RIN3: variants seen among roughly 807,000 people sequenced by gnomAD.
RIN3 encodes RAB5 interacting protein 3.
A neutral mutation model predicts 76.3 loss-of-function variants in RIN3; 54 were observed. That is an observed-to-expected ratio of 0.71 (90% CI 0.57 to 0.89). The LOEUF is 0.89. Among genes scored for constraint, RIN3 ranks in the 40% least tolerant of loss-of-function variants. RIN3 has a pLI of 0.00. For missense variants in RIN3, 1,256 were observed against 1,322.1 expected (o/e 0.95, Z 0.78); for synonymous variants, 576 against 564.0 (o/e 1.02, Z -0.30).
At position 92,685,317 on chromosome 14, in the gene RIN3, C is replaced by T. The variant is rs772855579; in HGVS notation, c.2631+167C>T. On this transcript the variant is annotated intron_variant, in intron 9 of 9. Transcript: ENST00000216487. This position sits in a 1 kb window ranked among gnomAD's most constrained non-coding sequence, Gnocchi z 4.7. Reference sequence around the variant, plus strand: ...CCAGAGGAAGGGCCCCCAGCCCCTGCTGCCAGTGTGTGTCCAGGACTTGGG... The same window carrying T: ...CCAGAGGAAGGGCCCCCAGCCCCTGTTGCCAGTGTGTGTCCAGGACTTGGG... The T allele has an allele frequency of 4.4e-6, 3 of 681,574 alleles. No individual in the cohort carries two copies. Among genetic ancestry groups the T allele is most frequent in the Non-Finnish European group, 7.3e-6 (3 of 411,600 alleles). The allele number at this position is 681,574 out of a possible 1,614,324, so 42.2% of individuals were successfully genotyped here. A position where few individuals can be genotyped will look rare whatever the true frequency, so the allele number is the denominator to read the frequency against.
intron 7 of RIN3, among the ~76,000 whole-genome samples, chr14:92,672,022 G>A (rs915809813): frequency 7.2e-5 from 11 of 152,206 alleles, no homozygotes; most frequent in East Asian, 1.9e-4. Context: ...AGACAAGGCC[G>A]CCCAGGCTAT....
At chr14:92,625,608 C>T (rs942810995) in intron 4 of RIN3, among the ~76,000 whole-genome samples, 5 of 152,156 alleles carry the variant, frequency 3.3e-5, no homozygotes, top group African/African-American at 1.2e-4. Context: ...AAGTGGCCTG[C>T]TCTTCCATAT....
chr14:92,579,070 G>A (rs548842950), intron 3 of RIN3, among the ~76,000 whole-genome samples: 14 of 152,214 alleles, frequency 9.2e-5, no homozygotes, highest in Non-Finnish European at 1.5e-4. Context: ...TGGGATTACA[G>A]GCATGTGCCA....
chr14:92,543,473 G>A (rs1371041543), intron 1 of RIN3, among the ~76,000 whole-genome samples: 2 of 152,074 alleles, frequency 1.3e-5, no homozygotes, highest in African/African-American at 4.8e-5. Flanking sequence ...AAGTGTTAGG[G>A]TTAGGCTCTC....
chr14:92,649,948 T>C (rs561991566), intron 5 of RIN3, among the ~76,000 whole-genome samples: 1 of 152,284 alleles, frequency 6.6e-6, no homozygotes, highest in African/African-American at 2.4e-5. Context: ...CTTCAGTCCC[T>C]TTGTCCTGGA....
At chr14:92,546,777 G>C (rs1897276628) in intron 1 of RIN3, among the ~76,000 whole-genome samples, 1 of 152,044 alleles carries the variant, frequency 6.6e-6, no homozygotes, top group African/African-American at 2.4e-5. Flanking sequence ...CAGTTGGGGT[G>C]AGTAGGGCCT....
rs1888811031 is a variant in RIN3, at chr14:92,685,220, A to T, written c.2631+70A>T. 1 of 1,474,130 alleles carries T rather than the reference A, an allele frequency of 6.8e-7. No individual in the cohort carries two copies. Among genetic ancestry groups the T allele is most frequent in the Non-Finnish European group, 9.1e-7 (1 of 1,097,430 alleles). The allele number at this position is 1,474,130 out of a possible 1,614,324, so 91.3% of individuals were successfully genotyped here. Reference sequence around the variant, plus strand: ...ACACCATCCCTGCTGCCTGCTGGCTAAGGAGCCGTGACATCACCTGGCTGC... The same window carrying T: ...ACACCATCCCTGCTGCCTGCTGGCTTAGGAGCCGTGACATCACCTGGCTGC... On this transcript the variant is annotated intron_variant, in intron 9 of 9. Coordinates refer to ENST00000216487, the MANE Select transcript of RIN3 (RefSeq NM_024832.5). This position sits in a 1 kb window ranked among gnomAD's most constrained non-coding sequence, Gnocchi z 4.7.
chr14:92,541,144 C>G (rs140440958), intron 1 of RIN3, among the ~76,000 whole-genome samples: 1 of 152,340 alleles, frequency 6.6e-6, no homozygotes, highest in Non-Finnish European at 1.5e-5. Flanking sequence ...CAGAACCAGA[C>G]AGTGTCATTT....
rs1888660187 is a variant in RIN3 at position 92,681,468 on chromosome 14, T to G, written c.2468-3519T>G. Among the ~76,000 whole-genome samples the G allele has an allele frequency of 6.6e-6, 1 of 152,236 alleles. No individual in the cohort carries two copies. Among genetic ancestry groups the G allele is most frequent in the African/African-American group, 2.4e-5 (1 of 41,466 alleles). On this transcript the variant is annotated intron_variant, in intron 8 of 9. Transcript: ENST00000216487. This position sits in a 1 kb window ranked among gnomAD's most constrained non-coding sequence, Gnocchi z 4.7. The stretch of plus-strand genomic sequence containing the variant: ...ATTCCGAAGCCCTGTACTTTACACA[T>G]ACTCATTTCCTTTTCACAACTTTAT...
At chr14:92,603,110 G>C (rs1384494821) in intron 3 of RIN3, among the ~76,000 whole-genome samples, 24 of 152,184 alleles carry the variant, frequency 1.6e-4, no homozygotes, top group Non-Finnish European at 1.5e-5. Flanking sequence ...GTGGAGACCA[G>C]GGCTAAGGAG....
At chr14:92,671,881 C>T (rs1888299657) in intron 7 of RIN3, among the ~76,000 whole-genome samples, 1 of 152,164 alleles carries the variant, frequency 6.6e-6, no homozygotes, top group Non-Finnish European at 1.5e-5. Flanking sequence ...GCCAGAAAGG[C>T]AGGTCACAAG....
At chr14:92,580,256 C>A (rs1053380069) in intron 3 of RIN3, among the ~76,000 whole-genome samples, 2 of 152,218 alleles carry the variant, frequency 1.3e-5, no homozygotes, top group African/African-American at 4.8e-5. Flanking sequence ...GTAGTTCCAG[C>A]TACTTGGGAG....
intron 7 of RIN3, among the ~76,000 whole-genome samples, chr14:92,673,925 G>C (rs1888373509): frequency 6.6e-6 from 1 of 152,212 alleles, no homozygotes; most frequent in Non-Finnish European, 1.5e-5. Context: ...TGTGACGGCT[G>C]ACAGTAGAAA....
rs751226648 is a variant in RIN3 at position 92,685,094 on chromosome 14, C to T, written c.2575C>T (p.Arg859Cys). 25 of 1,613,560 alleles carry T rather than the reference C, an allele frequency of 1.5e-5. No individual in the cohort carries two copies. In the Admixed American group the frequency reaches 3.2e-4, roughly 20 times the overall value. ...TGTGGAGGTGCAGGACTCCATCCAC[C>T]GCTGGGAGCGCCGGCGTACTCTCAA... is the stretch of plus-strand genomic sequence containing the variant. ...LSVEVQDSIH[R>C]WERRRTLNKA... The change falls in exon 9 of 10, where the codon CGC becomes TGC. Residue 859 changes from arginine (R) to cysteine (C), a missense_variant. Arg to Cys is a radical substitution (Grantham distance 180). Coordinates refer to ENST00000216487, the MANE Select transcript of RIN3 (RefSeq NM_024832.5). The surrounding 1 kb of genome is among the most constrained non-coding windows in gnomAD (Gnocchi z 4.7).
At chr14:92,667,249 A>C (rs775273102) in intron 7 of RIN3, among the ~76,000 whole-genome samples, 1 of 152,208 alleles carries the variant, frequency 6.6e-6, no homozygotes, top group Non-Finnish European at 1.5e-5. Context: ...ACGGTGGCTC[A>C]CGCCTGTAAT....
At chr14:92,525,991 G>A (rs903562026) in intron 1 of RIN3, among the ~76,000 whole-genome samples, 3 of 152,120 alleles carry the variant, frequency 2.0e-5, no homozygotes, top group African/African-American at 4.8e-5. Flanking sequence ...CCATGCCTGG[G>A]AGTTTCCCAG....
At chr14:92,620,696 TAAAC>T (rs1017792940) in intron 4 of RIN3, among the ~76,000 whole-genome samples, 2 of 151,912 alleles carry the variant, frequency 1.3e-5, no homozygotes, top group African/African-American at 4.8e-5. Context: ...CAAAAACAAA[TAAAC>T]AGGAAACCAA....
intron 5 of RIN3, among the ~76,000 whole-genome samples, chr14:92,645,949 C>G: frequency 2.4e-5 from 1 of 42,548 alleles, no homozygotes; most frequent in South Asian, 1.0e-3. Flanking sequence ...GAGACTCTCT[C>G]TCAAAAAAAA....
Position 92,651,964 on chromosome 14 carries a change from C to A in RIN3, c.915C>A (p.Pro305=). The change falls in exon 6 of 10, where the codon CCC becomes CCA. Residue 305 remains proline (P), a synonymous_variant. Transcript: ENST00000216487. ...CCCCTGTGCTCCCTGCTCTTGCCCCCGCCCCTGCCTGTCCTTTGCCCACCT... is the reference window on the plus strand; with the variant it reads ...CCCCTGTGCTCCCTGCTCTTGCCCCAGCCCCTGCCTGTCCTTTGCCCACCT... ...AQPPVLPALA[P]APACPLPTSP... The A allele has an allele frequency of 6.5e-7, 1 of 1,529,080 alleles. No individual in the cohort carries two copies. The highest frequency in any genetic ancestry group is 8.8e-7 in the Non-Finnish European group (1 of 1,131,400). 94.7% of individuals were successfully genotyped at this position (1,529,080 alleles called of 1,614,324 possible). A position where few individuals can be genotyped will look rare whatever the true frequency, so the allele number is the denominator to read the frequency against.
Sources: allele counts gnomAD v4.1 joint callset (sites outside exome capture counted in the v4.1 genomes callset), GRCh38; gene constraint gnomAD v4.1.1; non-coding constraint Gnocchi (gnomAD v3.1); transcripts MANE v1.5; gene names NCBI Gene and HGNC (gene_info 2026-07-23, HGNC 2026-07-21).